The following MAMDC4 variants were observed in gnomAD, a reference collection of about 807,000 sequenced individuals.
The protein encoded by MAMDC4 is apical endosomal glycoprotein.
MAMDC4 carries 168 observed loss-of-function variants against 153.3 expected under a neutral mutation model. The observed-to-expected ratio is 1.10, with a 90% CI of 0.97 to 1.25. MAMDC4 has a LOEUF of 1.25. Ranked by LOEUF, MAMDC4 falls within the 50% of genes most tolerant of loss-of-function variation. The pLI, the probability that MAMDC4 is intolerant of heterozygous loss-of-function variation, is 0.00. For missense variants in MAMDC4, 1,701 were observed against 1,542.8 expected (o/e 1.10, Z -1.72); for synonymous variants, 744 against 651.5 (o/e 1.14, Z -2.16).
intron 25 of MAMDC4, 38 bp from the exon 26 acceptor site, chr9:136,859,848 G>C (rs1849060017): frequency 6.2e-7 from 1 of 1,608,052 alleles, no homozygotes; most frequent in Non-Finnish European, 8.5e-7. Flanking sequence ...AGATGTGGGG[G>C]CTGCTTTGGA....
At chr9:136,857,631 G>T (rs769866906) in intron 18 of MAMDC4, 28 bp from the exon 19 acceptor site, 7 of 1,611,972 alleles carry the variant, frequency 4.3e-6, no homozygotes, top group Non-Finnish European at 5.9e-6. Flanking sequence ...CTGGCCAGGG[G>T]CTGGCAGGCT....
Position 136,857,655 on chromosome 9 carries a change from C to T in MAMDC4, c.2327-4C>T. 6.2e-7 allele frequency: 1 copy of T among 1,612,612 alleles called. No homozygotes were observed. The highest frequency in any genetic ancestry group is 8.5e-7 in the Non-Finnish European group (1 of 1,179,868). ...GGCTGGCAGGCTGATGCTGGCACCT[C>T]CAGGGCACTACATGGTGGTGGACAC... is the stretch of plus-strand genomic sequence containing the variant. On this transcript the variant is annotated splice_polypyrimidine_tract_variant and splice_region_variant and intron_variant, in intron 18 of 26. Coordinates refer to ENST00000317446, the MANE Select transcript of MAMDC4 (RefSeq NM_206920.3).
chr9:136,855,975 C>A (rs1175480487), intron 13 of MAMDC4, 43 bp from the exon 14 acceptor site: 1 of 1,582,958 alleles, frequency 6.3e-7, no homozygotes, highest in Middle Eastern at 1.7e-4. Context: ...CAGAGTGGGG[C>A]CCTGGAAGGG....
At chr9:136,854,436 G>A in intron 7 of MAMDC4, 100 bp downstream of exon 7, 1 of 1,505,678 alleles carries the variant, frequency 6.6e-7, no homozygotes, top group Non-Finnish European at 8.9e-7. Flanking sequence ...ATCCTTGGAT[G>A]GTCCTTCTTG....
Position 136,852,434 on chromosome 9 carries a change from C to G in MAMDC4, c.18C>G (p.His6Gln). The change falls in exon 1 of 27, where the codon CAC (histidine) becomes CAG (glutamine). Residue 6 changes from histidine to glutamine, a missense_variant. Physicochemically the swap from His to Gln is conservative, Grantham distance 24. Coordinates refer to ENST00000317446, the MANE Select transcript of MAMDC4 (RefSeq NM_206920.3). ...GCCCAACCATGCCTCTGTCCAGCCA[C>G]CTGCTGCCCGCCTTGGTCCTGTTCC... MPLSS[H>Q]LLPALVLFLA... is the part of the protein sequence containing the mutation. The G allele has an allele frequency of 6.2e-7, 1 of 1,610,440 alleles. No individual in the cohort carries two copies.
In MAMDC4 at chr9:136,859,911, G is replaced by A. The variant is rs746494148; in HGVS notation, c.3219G>A (p.Val1073=). 4.3e-6 allele frequency: 7 copies of A among 1,612,374 alleles called. No individual in the cohort carries two copies. The highest frequency in any genetic ancestry group is 5.1e-6 in the Non-Finnish European group (6 of 1,179,954). Residue 1073 remains valine (V), a synonymous_variant, in exon 26 of 27, where the codon GTG becomes GTA. Coordinates refer to ENST00000317446, the MANE Select transcript of MAMDC4 (RefSeq NM_206920.3). The part of the protein sequence containing the change: ...SPGNTAAPGS[V]PAVVGSALLL... ...GGAACACAGCCGCACCCGGGTCTGT[G>A]CCAGCTGTGGTTGGCAGTGCCCTCC...
In MAMDC4 at chr9:136,854,679, G is replaced by T; in HGVS notation, c.934+3G>T. 5.0e-6 allele frequency: 8 copies of T among 1,610,982 alleles called. No individual in the cohort carries two copies. The highest frequency in any genetic ancestry group is 6.8e-6 in the Non-Finnish European group (8 of 1,179,196). The stretch of plus-strand genomic sequence containing the variant: ...CCACAGCCGGAACAGTGCACAGGGT[G>T]AGGCCCACAGAGGACCCGGCCCAGG... On this transcript the variant is annotated splice_donor_region_variant and intron_variant, in intron 8 of 26. Coordinates refer to ENST00000317446, the MANE Select transcript of MAMDC4 (RefSeq NM_206920.3).
At position 136,853,818 on chromosome 9, in the gene MAMDC4, AC is replaced by A; in HGVS notation, c.499del (p.Leu167Ter). 6.2e-7 allele frequency: 1 copy of A among 1,612,002 alleles called. No homozygotes were observed. The highest frequency in any genetic ancestry group is 8.5e-7 in the Non-Finnish European group (1 of 1,179,598). On this transcript the variant is annotated frameshift_variant, in exon 5 of 27. Transcript: ENST00000317446. LOFTEE classifies it high-confidence loss of function. ...GGTGGAGCTGACCCATGGCGCAGAG[AC>A]CCTGACCCTGTGGCAGAGCACAGGG... ...LRVELTHGAETLTLWQSTGPW... is the reference protein window; with the variant it reads ...LRVELTHGAEXLTLWQSTGPW...
In MAMDC4 at chr9:136,853,295, G is replaced by A. The variant is rs1299350371; in HGVS notation, c.165G>A (p.Gly55=). 1 of 1,603,140 alleles carries A rather than the reference G, an allele frequency of 6.2e-7. No individual in the cohort carries two copies. Among genetic ancestry groups the A allele is most frequent in the East Asian group, 2.2e-5 (1 of 44,630 alleles). The change falls in exon 3 of 27, where the codon GGG becomes GGA. Residue 55 remains glycine (G), a synonymous_variant. Transcript: ENST00000317446. ...CACCCACTCTCCCAGGTTACCACGG[G>A]GCCTCGCCCACCCTGGGCGCCCCCT... The part of the protein sequence containing the change: ...CSDEAQCGYH[G]ASPTLGAPFA...
Position 136,856,003 on chromosome 9 carries a change from AT to A in MAMDC4, c.1589-14del, listed in dbSNP as rs1457493490. On this transcript the variant is annotated splice_polypyrimidine_tract_variant and intron_variant, in intron 13 of 26. Transcript: ENST00000317446. ...TGGAAGGGATGAGGCTCTGAGCACC[AT>A]GCTCTTCCCCTAGGGCACTTCCTGT... 6.2e-7 allele frequency: 1 copy of A among 1,605,184 alleles called. No individual in the cohort carries two copies. Among genetic ancestry groups the A allele is most frequent in the Non-Finnish European group, 8.5e-7 (1 of 1,175,734 alleles).
At position 136,857,505 on chromosome 9, in the gene MAMDC4, G is replaced by A. The variant is rs747017555; in HGVS notation, c.2245G>A (p.Gly749Ser). ...SDCGFSPGGQ[G>S]LWRRQANASG... is the part of the protein sequence containing the mutation. ...CTGCGGCTTCTCCCCTGGAGGCCAAGGTCTCTGGAGGCGGCAGGCCAATGC... is the reference window on the plus strand; with the variant it reads ...CTGCGGCTTCTCCCCTGGAGGCCAAAGTCTCTGGAGGCGGCAGGCCAATGC... The change falls in exon 18 of 27, where the codon GGT becomes AGT. Residue 749 changes from glycine to serine, a missense_variant. Gly to Ser is a moderately conservative substitution (Grantham distance 56). Coordinates refer to ENST00000317446, the MANE Select transcript of MAMDC4 (RefSeq NM_206920.3). The A allele has an allele frequency of 8.1e-5, 130 of 1,610,304 alleles. No homozygotes were observed. The highest frequency in any genetic ancestry group is 2.7e-4 in the East Asian group (12 of 44,890).
rs536909196 is a variant in MAMDC4 at position 136,855,002 on chromosome 9, G to A, written c.1089G>A (p.Leu363=). 1.3e-4 allele frequency: 207 copies of A among 1,602,110 alleles called. 2 individuals carry two copies. In the South Asian group the frequency reaches 2.1e-3, roughly 17 times the overall value. Residue 363 remains leucine (L), a synonymous_variant, in exon 10 of 27, where the codon CTG becomes CTA. Transcript: ENST00000317446. ...GCCTCCAGCTGTTCCTGCAGACTCT[G>A]GGGCCCGGCGCCCCCCGGGCCCCCG... ...AGCLQLFLQT[L]GPGAPRAPVL...
rs201886053 is a variant in MAMDC4, at chr9:136,855,377, G to A, written c.1282+39G>A. 9.5e-4 allele frequency: 1,525 copies of A among 1,599,856 alleles called. 16 individuals are homozygous for A. The African/African-American group carries it at 0.018, about 19-fold the overall frequency. ...CTCTGCCCTACCCTGCCTTGCCCTG[G>A]AGAGGCACAGCACTCCCCATCCCTG... is the stretch of plus-strand genomic sequence containing the variant. On this transcript the variant is annotated intron_variant, in intron 11 of 26. Coordinates refer to ENST00000317446, the MANE Select transcript of MAMDC4 (RefSeq NM_206920.3).
rs751421215 is a variant in MAMDC4 at position 136,855,540 on chromosome 9, C to T, written c.1392C>T (p.Cys464=). Residue 464 remains cysteine, a synonymous_variant, in exon 12 of 27, where the codon TGC becomes TGT. Coordinates refer to ENST00000317446, the MANE Select transcript of MAMDC4 (RefSeq NM_206920.3). ...QDSCKQGHLA[C]GDLCVPPEQL... is the part of the protein sequence containing the mutation. ...CCTGCAAGCAGGGGCATCTTGCCTGCGGGGACCTGTGTGTGCCCCCGGAAC... is the reference window on the plus strand; with the variant it reads ...CCTGCAAGCAGGGGCATCTTGCCTGTGGGGACCTGTGTGTGCCCCCGGAAC... The T allele has an allele frequency of 4.4e-6, 7 of 1,591,194 alleles. No individual in the cohort carries two copies. The highest frequency in any genetic ancestry group is 2.3e-5 in the East Asian group (1 of 43,866).
In MAMDC4 at chr9:136,860,658, C is replaced by A. The variant is rs985618377; in HGVS notation, c.*55C>A. On this transcript the variant is annotated 3_prime_UTR_variant, in exon 27 of 27. Coordinates refer to ENST00000317446, the MANE Select transcript of MAMDC4 (RefSeq NM_206920.3). ...CGTGACATCCAGCACTTGGTCAGAC[C>A]CTAGCCAGGGACCGGACACCTGCCC... The A allele has an allele frequency of 1.2e-6, 2 of 1,602,812 alleles. No individual in the cohort carries two copies. Among genetic ancestry groups the A allele is most frequent in the Non-Finnish European group, 1.7e-6 (2 of 1,171,216 alleles).
intron 14 of MAMDC4, 49 bp downstream of exon 14, chr9:136,856,198 G>C (rs992762499): frequency 1.2e-6 from 2 of 1,611,436 alleles, no homozygotes; most frequent in African/African-American, 2.7e-5. Flanking sequence ...GGTGCTCCCT[G>C]CACAGTGGGA....
At position 136,853,452 on chromosome 9, in the gene MAMDC4, G is replaced by T; in HGVS notation, c.322G>T (p.Asp108Tyr). 1 of 1,603,294 alleles carries T rather than the reference G, an allele frequency of 6.2e-7. No homozygotes were observed. The highest frequency in any genetic ancestry group is 8.5e-7 in the Non-Finnish European group (1 of 1,173,116). Residue 108 changes from aspartate to tyrosine, a missense_variant, in exon 3 of 27, where the codon GAC becomes TAC. Asp to Tyr is a radical substitution (Grantham distance 160). Transcript: ENST00000317446. ...GPHSDHTLGT[D>Y]LGWYMAVGTH... ...TCACTCAGACCACACACTGGGCACC[G>T]ACTTGGGTGAGGCCAGGGCAAGTCT...
At position 136,858,638 on chromosome 9, in the gene MAMDC4, G is replaced by GCCCTGCTCAC. The variant is rs1189140743; in HGVS notation, c.2822-79_2822-70dup. Reference sequence around the variant, plus strand: ...AGAGTACATGCCCCATCCAGAGGAGGCCCTGCTCACCGAGCCTCTGCTCGG... The same window carrying GCCCTGCTCAC: ...AGAGTACATGCCCCATCCAGAGGAGGCCCTGCTCACCCCTGCTCACCGAGCCTCTGCTCGG... On this transcript the variant is annotated intron_variant, in intron 22 of 26. Transcript: ENST00000317446. 1.9e-5 allele frequency: 31 copies of GCCCTGCTCAC among 1,596,262 alleles called. No homozygotes were observed. In the East Asian group the frequency reaches 6.3e-4, roughly 32 times the overall value.
At chr9:136,855,699 G>A in intron 12 of MAMDC4, 33 bp from the exon 13 acceptor site, 1 of 1,571,378 alleles carries the variant, frequency 6.4e-7, no homozygotes, top group Non-Finnish European at 8.6e-7. Context: ...GGACTCTGAG[G>A]ACTCTGCCAT....
Sources: gnomAD v4.1 joint callset for allele counts on GRCh38, gnomAD v4.1.1 for gene constraint, MANE v1.5 for transcripts, NCBI Gene and HGNC (gene_info 2026-07-23, HGNC 2026-07-21) for gene names.